COMMD10: variants seen among roughly 807,000 people sequenced by gnomAD.
The protein encoded by COMMD10 is COMM domain-containing protein 10.
A neutral mutation model predicts 28.9 loss-of-function variants in COMMD10; 33 were observed. The observed-to-expected ratio is 1.14, with a 90% CI of 0.87 to 1.53. The LOEUF is 1.53. Ranked by LOEUF, COMMD10 falls within the 40% of genes most tolerant of loss-of-function variation. The probability of loss-of-function intolerance (pLI) is 0.00; values close to 1 mark genes in which losing one functional copy is unlikely to be tolerated. For synonymous variants in COMMD10, 110 were observed against 81.7 expected, an observed-to-expected ratio of 1.35 and a Z score of -1.87; for missense variants, 310 against 233.4, an observed-to-expected ratio of 1.33 and a Z score of -2.14.
At chr5:116,252,339 A>C (rs988978969) in intron 5 of COMMD10, among the ~76,000 whole-genome samples, 6 of 142,204 alleles carry the variant, frequency 4.2e-5, no homozygotes, top group Non-Finnish European at 7.6e-5. Flanking sequence ...TTTTGTTGCC[A>C]TTGCTTTTGG....
At chr5:116,255,669 A>G (rs547843780) in intron 5 of COMMD10, 1 of 151,640 alleles carries the variant, frequency 6.6e-6, no homozygotes, top group Non-Finnish European at 1.5e-5. Flanking sequence ...TTTGAATTTA[A>G]TAATAGCATA....
intron 5 of COMMD10, among the ~76,000 whole-genome samples, chr5:116,285,220 T>C (rs188164352): frequency 6.6e-6 from 1 of 152,076 alleles, no homozygotes; most frequent in Admixed American, 6.5e-5. Flanking sequence ...AAAAGTCATT[T>C]AAAAAGCTAC....
chr5:116,258,959 T>G (rs1750364171), intron 5 of COMMD10, among the ~76,000 whole-genome samples: 1 of 151,728 alleles, frequency 6.6e-6, no homozygotes, highest in African/African-American at 2.4e-5. Context: ...AGATCTATCC[T>G]CCTTTTCTCT....
chr5:116,291,720 G>A (rs1751367008), intron 6 of COMMD10, 144 bp downstream of exon 6: 1 of 500,850 alleles, frequency 2.0e-6, no homozygotes, highest in Admixed American at 3.8e-5. Flanking sequence ...TGTTTCACAG[G>A]AGGAAGTATA....
chr5:116,162,871 C>G (rs1425123936), intron 5 of COMMD10, among the ~76,000 whole-genome samples: 2 of 27,234 alleles, frequency 7.3e-5, no homozygotes, highest in Admixed American at 2.3e-4. Flanking sequence ...GATACAACAC[C>G]TTTTTAAAAA....
intron 5 of COMMD10, among the ~76,000 whole-genome samples, chr5:116,243,089 T>A (rs373086498): frequency 1.3e-5 from 2 of 152,194 alleles, no homozygotes; most frequent in African/African-American, 4.8e-5. Context: ...GATTGTGATG[T>A]CCAAGAAGTA....
chr5:116,143,275 T>C (rs1752249853), intron 5 of COMMD10, among the ~76,000 whole-genome samples: 1 of 151,748 alleles, frequency 6.6e-6, no homozygotes, highest in South Asian at 2.1e-4. Flanking sequence ...AATAAGATTT[T>C]ATAAGCTAAC....
intron 5 of COMMD10, chr5:116,188,467 C>T (rs926659617): frequency 6.6e-6 from 1 of 151,972 alleles, no homozygotes; most frequent in African/African-American, 2.4e-5. Flanking sequence ...AAAAATGGAA[C>T]ACTTCACAAA....
At chr5:116,260,302 G>A (rs982415756) in intron 5 of COMMD10, among the ~76,000 whole-genome samples, 1 of 151,788 alleles carries the variant, frequency 6.6e-6, no homozygotes, top group African/African-American at 2.4e-5. Context: ...ATTAGCCTCT[G>A]TCACCAATTT....
At chr5:116,156,573 A>C (rs1309103573) in intron 5 of COMMD10, among the ~76,000 whole-genome samples, 1 of 152,128 alleles carries the variant, frequency 6.6e-6, no homozygotes, top group African/African-American at 2.4e-5. Flanking sequence ...TCATATCTAT[A>C]GAAAGTTGGG....
intron 5 of COMMD10, among the ~76,000 whole-genome samples, chr5:116,264,949 C>T (rs1039674813): frequency 6.6e-6 from 1 of 151,734 alleles, no homozygotes; most frequent in African/African-American, 2.4e-5. Context: ...GAGTAGCTAA[C>T]ATTTAATTTT....
At chr5:116,244,567 TAGG>T (rs1749890829) in intron 5 of COMMD10, among the ~76,000 whole-genome samples, 2 of 144,196 alleles carry the variant, frequency 1.4e-5, no homozygotes, top group South Asian at 2.1e-4. Flanking sequence ...GGGTAAAGAA[TAGG>T]AGAAGTTTCC....
At position 116,092,396 on chromosome 5, in the gene COMMD10, T is replaced by C. The variant is rs1750326883; in HGVS notation, c.244-149T>C. ...TCCAGCCCTTGGTCGTGTATTTTAT[T>C]ATGTGTAAAATAACCAAAAATGTTG... On this transcript the variant is annotated intron_variant, in intron 3 of 6. Coordinates refer to ENST00000274458, the MANE Select transcript of COMMD10 (RefSeq NM_016144.4). 8 of 477,794 alleles carry C rather than the reference T, an allele frequency of 1.7e-5. No individual in the cohort carries two copies. The South Asian group carries it at 4.1e-4, about 24-fold the overall frequency. The allele number at this position is 477,794 out of a possible 1,614,324, so 29.6% of individuals were successfully genotyped here. A position where few individuals can be genotyped will look rare whatever the true frequency, so the allele number is the denominator to read the frequency against.
At position 116,085,109 on chromosome 5, in the gene COMMD10, A is replaced by C. The variant is rs998250659; in HGVS notation, c.41+16A>C. ...AGAGCCCCAGGTAGCTGATCCGTTA[A>C]GCTCTTGCGGTAGCCGCGCCCAGGA... On this transcript the variant is annotated intron_variant, in intron 1 of 6. Transcript: ENST00000274458. 1.2e-5 allele frequency: 20 copies of C among 1,606,622 alleles called. No individual in the cohort carries two copies. The African/African-American group carries it at 2.0e-4, about 16-fold the overall frequency.
intron 5 of COMMD10, among the ~76,000 whole-genome samples, chr5:116,213,568 T>C (rs1216065811): frequency 6.6e-6 from 1 of 152,128 alleles, no homozygotes; most frequent in East Asian, 1.9e-4. Flanking sequence ...GATATATGAG[T>C]ATTTTCAAGT....
At chr5:116,255,090 A>C (rs1292681098) in intron 5 of COMMD10, among the ~76,000 whole-genome samples, 1 of 151,606 alleles carries the variant, frequency 6.6e-6, no homozygotes, top group African/African-American at 2.4e-5. Flanking sequence ...GTTGGTTTAA[A>C]GTCTGTTTTA....
chr5:116,207,089 C>T (rs894657751), intron 5 of COMMD10, among the ~76,000 whole-genome samples: 1 of 152,122 alleles, frequency 6.6e-6, no homozygotes, highest in Admixed American at 6.6e-5. Flanking sequence ...TGTCCTTGAA[C>T]TGAGTTATTT....
chr5:116,233,149 T>TA (rs1749570422), intron 5 of COMMD10, among the ~76,000 whole-genome samples: 2 of 152,184 alleles, frequency 1.3e-5, no homozygotes, highest in Admixed American at 6.5e-5. Flanking sequence ...TTTTCATAGT[T>TA]ACCTTTGGTT....
chr5:116,132,541 CTCT>C (rs1221583096), intron 4 of COMMD10, among the ~76,000 whole-genome samples: 1 of 152,110 alleles, frequency 6.6e-6, no homozygotes, highest in Non-Finnish European at 1.5e-5. Flanking sequence ...CTTGATATCT[CTCT>C]TCATTAGTTA....
Sources: allele counts gnomAD v4.1 joint callset (sites outside exome capture counted in the v4.1 genomes callset), GRCh38; gene constraint gnomAD v4.1.1; transcripts MANE v1.5; gene names NCBI Gene and HGNC (gene_info 2026-07-23, HGNC 2026-07-21).